C1orf174: variants seen among roughly 807,000 people sequenced by gnomAD.
C1orf174 encodes the protein UPF0688 protein C1orf174.
Under a neutral mutation model 18.4 loss-of-function variants are expected in C1orf174, and 13 were observed. That is an observed-to-expected ratio of 0.71 (90% CI 0.46 to 1.12). The LOEUF is 1.12. Ranked by LOEUF, C1orf174 falls within the 50% of genes most tolerant of loss-of-function variation. The pLI is 0.00. For missense variants in C1orf174, 309 were observed against 308.0 expected (o/e 1.00, Z -0.02); for synonymous variants, 100 against 118.3 (o/e 0.85, Z 1.01).
intron 1 of C1orf174, among the ~76,000 whole-genome samples, chr1:3,899,259 G>A (rs1365391653): frequency 6.6e-6 from 1 of 152,186 alleles, no homozygotes; most frequent in East Asian, 1.9e-4. Context: ...CTACCAGACT[G>A]CATTTTAAAA....
chr1:3,896,617 A>G (rs573968564), intron 1 of C1orf174, among the ~76,000 whole-genome samples: 39 of 152,330 alleles, frequency 2.6e-4, no homozygotes, highest in Non-Finnish European at 4.3e-4. Context: ...TGCTGTGACG[A>G]AGGGGGTGGA....
chr1:3,890,487 C>T, intron 3 of C1orf174, 82 bp downstream of exon 3: 2 of 1,540,528 alleles, frequency 1.3e-6, no homozygotes, highest in Non-Finnish European at 1.8e-6. Context: ...GCATTATTTA[C>T]CTGCACTGAG....
At chr1:3,895,773 A>G (rs1638595873) in intron 1 of C1orf174, 1 of 152,246 alleles carries the variant, frequency 6.6e-6, no homozygotes, top group South Asian at 2.1e-4. Context: ...CCACAGTCCA[A>G]AAAAGGAAAG....
chr1:3,890,931 C>T lies in C1orf174; in HGVS notation c.256G>A (p.Val86Met). The change falls in exon 3 of 4, where the codon GTG becomes ATG. Residue 86 changes from valine to methionine, a missense_variant. By Grantham distance (21) the Val-to-Met change is conservative. Coordinates refer to ENST00000361605, the MANE Select transcript of C1orf174 (RefSeq NM_207356.3). ...PKNDSASLPK[V>M]TPETPCENEF... is the part of the protein sequence containing the mutation. ...TTTTCACAAGGGGTCTCAGGTGTCA[C>T]TTTTGGCAAAGAAGCGCTGTCATTC... 6.2e-7 allele frequency: 1 copy of T among 1,614,140 alleles called. No individual in the cohort carries two copies. The highest frequency in any genetic ancestry group is 8.5e-7 in the Non-Finnish European group (1 of 1,180,038).
At position 3,889,592 on chromosome 1, in the gene C1orf174, G is replaced by A; in HGVS notation, c.*368C>T. ...TGCCTGTAATCCCAGCTACTCAGGA[G>A]GCTGAGGCAGGAGAATCACTTGAAC... On this transcript the variant is annotated 3_prime_UTR_variant, in exon 4 of 4. Transcript: ENST00000361605. 1.1e-5 allele frequency: 2 copies of A among 189,840 alleles called. No individual in the cohort carries two copies. Among genetic ancestry groups the A allele is most frequent in the Non-Finnish European group, 2.2e-5 (2 of 89,150 alleles). 11.8% of individuals were successfully genotyped at this position (189,840 alleles called of 1,614,324 possible).
chr1:3,890,191 G>A (rs1638479364), intron 3 of C1orf174, 118 bp from the exon 4 acceptor site: 1 of 774,040 alleles, frequency 1.3e-6, no homozygotes, highest in African/African-American at 1.8e-5. Context: ...TTTTAGACGT[G>A]TGAAAATGCC....
chr1:3,898,555 A>AACAAC (rs1557741905), intron 1 of C1orf174, among the ~76,000 whole-genome samples: 7 of 135,702 alleles, frequency 5.2e-5, no homozygotes, highest in South Asian at 4.7e-4. Flanking sequence ...ACAACAACAA[A>AACAAC]ACTCACTTTA....
chr1:3,899,422 C>T (rs1470884268), intron 1 of C1orf174, among the ~76,000 whole-genome samples: 4 of 152,174 alleles, frequency 2.6e-5, no homozygotes, highest in Non-Finnish European at 5.9e-5. Context: ...GGGACCCGCG[C>T]CGGGTCCACT....
intron 1 of C1orf174, among the ~76,000 whole-genome samples, chr1:3,897,126 A>G (rs1443471872): frequency 6.6e-6 from 1 of 152,236 alleles, no homozygotes; most frequent in African/African-American, 2.4e-5. Context: ...ATTCCAACAA[A>G]AAATTATGAA....
At chr1:3,894,504 G>C (rs1055841379) in intron 1 of C1orf174, among the ~76,000 whole-genome samples, 2 of 151,636 alleles carry the variant, frequency 1.3e-5, no homozygotes, top group Admixed American at 1.3e-4. Context: ...CTACTTGGGA[G>C]GCTGAGGCAG....
At chr1:3,896,442 G>A (rs1326685634) in intron 1 of C1orf174, among the ~76,000 whole-genome samples, 2 of 152,208 alleles carry the variant, frequency 1.3e-5, no homozygotes, top group Non-Finnish European at 2.9e-5. Context: ...ATTCAGAGAG[G>A]AGCCCATTAC....
At position 3,891,097 on chromosome 1, in the gene C1orf174, A is replaced by C. The variant is rs544040163; in HGVS notation, c.130-40T>G. On this transcript the variant is annotated intron_variant, in intron 2 of 3. Transcript: ENST00000361605. ...AATGTAAGGGGAACCAGACATATCT[A>C]GCAAATAAAACAGGCCTCAATCCAG... 5.1e-6 allele frequency: 8 copies of C among 1,566,550 alleles called. No individual in the cohort carries two copies. The South Asian group carries it at 9.4e-5, about 18-fold the overall frequency.
intron 1 of C1orf174, among the ~76,000 whole-genome samples, chr1:3,893,255 C>T (rs1321071581): frequency 6.6e-6 from 1 of 152,136 alleles, no homozygotes; most frequent in African/African-American, 2.4e-5. Flanking sequence ...TTTCTAGTAG[C>T]CACCATTTGT....
chr1:3,890,557 C>A lies in C1orf174; in HGVS notation c.618+12G>T. 1.2e-6 allele frequency: 2 copies of A among 1,612,602 alleles called. No individual in the cohort carries two copies. The highest frequency in any genetic ancestry group is 1.7e-6 in the Non-Finnish European group (2 of 1,179,158). On this transcript the variant is annotated intron_variant, in intron 3 of 3. Transcript: ENST00000361605. Reference sequence around the variant, plus strand: ...CTGAGTACCCACGGGAGGAGGAAGGCGCCGCTCTTACCTGCATGAGCTCAA... The same window carrying A: ...CTGAGTACCCACGGGAGGAGGAAGGAGCCGCTCTTACCTGCATGAGCTCAA...
intron 1 of C1orf174, among the ~76,000 whole-genome samples, chr1:3,898,537 C>CAAG (rs1638648774): frequency 3.2e-5 from 3 of 94,410 alleles, no homozygotes; most frequent in African/African-American, 1.6e-4. Flanking sequence ...ACAACAACAA[C>CAAG]AACAACAACA....
chr1:3,893,047 A>G (rs755698922), intron 1 of C1orf174, 51 bp from the exon 2 acceptor site: 1 of 1,583,324 alleles, frequency 6.3e-7, no homozygotes, highest in South Asian at 1.1e-5. Flanking sequence ...GGCAGCATGA[A>G]CATGTAGACG....
chr1:3,896,758 TA>T (rs1270263576), intron 1 of C1orf174, among the ~76,000 whole-genome samples: 2 of 152,218 alleles, frequency 1.3e-5, no homozygotes, highest in African/African-American at 4.8e-5. Context: ...CCTTAGAAAG[TA>T]TCCCTTCGAA....
chr1:3,893,820 C>T (rs1027807896), intron 1 of C1orf174, among the ~76,000 whole-genome samples: 7 of 152,188 alleles, frequency 4.6e-5, no homozygotes, highest in African/African-American at 1.7e-4. Flanking sequence ...TCACTTGATC[C>T]CAGGAGTCTG....
chr1:3,897,708 G>T (rs549177647), intron 1 of C1orf174, among the ~76,000 whole-genome samples: 1 of 152,044 alleles, frequency 6.6e-6, no homozygotes, highest in Admixed American at 6.5e-5. Flanking sequence ...CTATCGCCCA[G>T]GCTGGAGTAC....
Sources: allele counts gnomAD v4.1 joint callset (sites outside exome capture counted in the v4.1 genomes callset), GRCh38; gene constraint gnomAD v4.1.1; transcripts MANE v1.5; gene names NCBI Gene and HGNC (gene_info 2026-07-23, HGNC 2026-07-21).